Variants in STK26 observed in about 807,000 individuals in gnomAD.
STK26 encodes serine/threonine-protein kinase 26.
STK26 carries 14 observed loss-of-function variants against 34.7 expected under a neutral mutation model. The ratio of observed to expected loss-of-function variants is 0.40; its 90% confidence interval spans 0.27 to 0.63. The LOEUF (loss-of-function observed/expected upper bound fraction) is 0.63. STK26 is among the 30% of genes least tolerant of loss of function. The pLI is 0.38. For synonymous variants in STK26, 100 were observed against 109.8 expected (o/e 0.91, Z 0.56); for missense variants, 226 against 309.1 (o/e 0.73, Z 2.02).
chrX:132,073,203 T>A (rs2124197852), intron 11 of STK26, 110 bp downstream of exon 11: 1 of 858,223 alleles, frequency 1.2e-6, no homozygotes, highest in East Asian at 3.3e-5. Flanking sequence ...CCTAACAAAG[T>A]CACCTTTCAA....
chrX:132,036,260 C>G (rs1926045367), intron 2 of STK26, among the ~76,000 whole-genome samples: 1 of 112,296 alleles, frequency 8.9e-6, no homozygotes. Flanking sequence ...AAAGATTTGC[C>G]ACCAATGAGG....
At chrX:132,068,903 G>A (rs1342019120) in intron 6 of STK26, among the ~76,000 whole-genome samples, 1 of 110,653 alleles carries the variant, frequency 9.0e-6, no homozygotes, top group East Asian at 2.9e-4. Context: ...CCTCATGGTT[G>A]TTCCTCAAAC....
chrX:132,024,543 A>G (rs1381485232), intron 2 of STK26, among the ~76,000 whole-genome samples: 2 of 111,743 alleles, frequency 1.8e-5, no homozygotes, highest in Non-Finnish European at 3.8e-5. Flanking sequence ...TAAAGCATTC[A>G]TGTTCTATTT....
chrX:132,061,104 T>C (rs1927039933), intron 3 of STK26, among the ~76,000 whole-genome samples: 1 of 112,446 alleles, frequency 8.9e-6, no homozygotes, highest in Non-Finnish European at 1.9e-5. Context: ...AGGCACACAT[T>C]GTTTTTAACT....
In STK26 at chrX:132,071,128, T is replaced by G. The variant is rs761205469; in HGVS notation, c.843T>G (p.Thr281=). The part of the protein sequence containing the change: ...HKFIVKNSKK[T]SYLTELIDRF... ...TCATTGTAAAAAATTCAAAGAAGAC[T>G]TCTTATCTGACTGAACTGATAGATC... is the stretch of plus-strand genomic sequence containing the variant. Residue 281 remains threonine, a synonymous_variant, in exon 8 of 12, where the codon ACT becomes ACG. Transcript: ENST00000394334. The G allele has an allele frequency of 3.3e-6, 4 of 1,208,549 alleles. No homozygotes were observed. In the East Asian group the frequency reaches 8.9e-5, roughly 27 times the overall value.
At chrX:132,043,555 A>G (rs1233424525) in intron 2 of STK26, among the ~76,000 whole-genome samples, 3 of 111,753 alleles carry the variant, frequency 2.7e-5, no homozygotes, top group Non-Finnish European at 5.7e-5. Context: ...TTAGTCAGTA[A>G]TAATCTCTGT....
intron 3 of STK26, among the ~76,000 whole-genome samples, chrX:132,057,238 G>A (rs1211937720): frequency 9.0e-6 from 1 of 111,293 alleles, no homozygotes; most frequent in Non-Finnish European, 1.9e-5. Flanking sequence ...AGAGAGTTTT[G>A]TAGTCATGTA....
intron 4 of STK26, among the ~76,000 whole-genome samples, chrX:132,066,119 A>G (rs1354134810): frequency 8.9e-6 from 1 of 112,028 alleles, no homozygotes; most frequent in Non-Finnish European, 1.9e-5. Context: ...TGTTAACATT[A>G]TACAGTGTCT....
intron 2 of STK26, among the ~76,000 whole-genome samples, chrX:132,030,720 T>C (rs1925801136): frequency 9.0e-6 from 1 of 110,705 alleles, no homozygotes; most frequent in African/African-American, 3.3e-5. Flanking sequence ...AATAATAGTA[T>C]TATTAGCTAT....
intron 2 of STK26, among the ~76,000 whole-genome samples, chrX:132,037,224 G>T (rs1170170880): frequency 1.8e-5 from 2 of 111,783 alleles, no homozygotes; most frequent in African/African-American, 6.5e-5. Flanking sequence ...ATATATAATA[G>T]TATTGTCAGG....
At chrX:132,046,263 A>G (rs1355099057) in intron 2 of STK26, among the ~76,000 whole-genome samples, 1 of 111,526 alleles carries the variant, frequency 9.0e-6, no homozygotes, top group African/African-American at 3.3e-5. Context: ...GCAAGTTAGC[A>G]GGCAGAGGAA....
intron 4 of STK26, among the ~76,000 whole-genome samples, chrX:132,066,815 C>T (rs1927241969): frequency 9.0e-6 from 1 of 111,466 alleles, no homozygotes; most frequent in Non-Finnish European, 1.9e-5. Context: ...ATTAATCTTG[C>T]CCAATCACTG....
chrX:132,055,353 A>G (rs1295097944), intron 3 of STK26: 2 of 727,082 alleles, frequency 2.8e-6, no homozygotes, highest in East Asian at 3.5e-5. Flanking sequence ...AGCACAGGGT[A>G]TGGTACATCT....
intron 9 of STK26, among the ~76,000 whole-genome samples, chrX:132,072,568 A>G (rs1602782280): frequency 9.3e-6 from 1 of 107,582 alleles, no homozygotes; most frequent in African/African-American, 3.4e-5. Flanking sequence ...GGTATTTTTT[A>G]AGTGCATTTC....
intron 2 of STK26, among the ~76,000 whole-genome samples, chrX:132,028,670 G>A (rs2124122965): frequency 9.1e-6 from 1 of 110,470 alleles, no homozygotes; most frequent in Non-Finnish European, 1.9e-5. Flanking sequence ...AAAAGTAAGG[G>A]TTGTAAGAAA....
Position 132,074,492 on chromosome X carries a change from A to T in STK26, c.*333A>T, listed in dbSNP as rs1463834675. On this transcript the variant is annotated 3_prime_UTR_variant, in exon 12 of 12. Coordinates refer to ENST00000394334, the MANE Select transcript of STK26 (RefSeq NM_016542.4). ...ATCTTTAGTTGACTCTACAGTCATGAAACATACAGGTCTTTCAAAGTCATT... is the reference window on the plus strand; with the variant it reads ...ATCTTTAGTTGACTCTACAGTCATGTAACATACAGGTCTTTCAAAGTCATT... The T allele has an allele frequency of 7.4e-5, 13 of 175,850 alleles. No individual in the cohort carries two copies. The highest frequency in any genetic ancestry group is 1.3e-4 in the Non-Finnish European group (12 of 95,623). The allele number at this position is 175,850 out of a possible 1,213,427, so 14.5% of individuals were successfully genotyped here. A position where few individuals can be genotyped will look rare whatever the true frequency, so the allele number is the denominator to read the frequency against.
intron 8 of STK26, among the ~76,000 whole-genome samples, chrX:132,071,763 CT>C (rs1464716220): frequency 3.6e-5 from 4 of 112,346 alleles, no homozygotes; most frequent in Non-Finnish European, 7.5e-5. Context: ...CTAGGAAAGT[CT>C]GTATGCTATG....
At chrX:132,051,288 CAG>C (rs1926680845) in intron 2 of STK26, among the ~76,000 whole-genome samples, 1 of 111,762 alleles carries the variant, frequency 8.9e-6, no homozygotes, top group African/African-American at 3.3e-5. Flanking sequence ...AAATTTCTAA[CAG>C]TGTACTTATA....
chrX:132,023,347 C>T lies in STK26; in HGVS notation c.-171C>T. 1 of 505,281 alleles carries T rather than the reference C, an allele frequency of 2.0e-6. No homozygotes were observed. Among genetic ancestry groups the T allele is most frequent in the Non-Finnish European group, 3.6e-6 (1 of 276,167 alleles). 41.6% of individuals were successfully genotyped at this position (505,281 alleles called of 1,213,427 possible). ...AGCCACCACCACTCACAGCGCTCGG[C>T]GTTCAGGAAGAGGAGCAGCAGCGGA... On this transcript the variant is annotated 5_prime_UTR_variant, in exon 1 of 12. Coordinates refer to ENST00000394334, the MANE Select transcript of STK26 (RefSeq NM_016542.4).
Sources: allele counts gnomAD v4.1 joint callset (sites outside exome capture counted in the v4.1 genomes callset), GRCh38; gene constraint gnomAD v4.1.1; transcripts MANE v1.5; gene names NCBI Gene and HGNC (gene_info 2026-07-23, HGNC 2026-07-21).